The following SPTBN1 variants were observed in gnomAD, a reference collection of about 807,000 sequenced individuals.
SPTBN1 encodes spectrin beta chain, non-erythrocytic 1.
Under a neutral mutation model 266.4 loss-of-function variants are expected in SPTBN1, and 32 were observed. The ratio of observed to expected loss-of-function variants is 0.12; its 90% confidence interval spans 0.09 to 0.16. The LOEUF (loss-of-function observed/expected upper bound fraction) is 0.16. Ranked by LOEUF, SPTBN1 falls within the 10% of genes least tolerant of loss-of-function variation. The pLI, the probability that SPTBN1 is intolerant of heterozygous loss-of-function variation, is 1.00. For missense variants in SPTBN1, 2,296 were observed against 3,067.1 expected, an observed-to-expected ratio of 0.75 and a Z score of 5.94; for synonymous variants, 1,336 against 1,162.2, an observed-to-expected ratio of 1.15 and a Z score of -3.04.
intron 18 of SPTBN1, among the ~76,000 whole-genome samples, chr2:54,641,760 C>T (rs1268840524): frequency 6.7e-6 from 1 of 148,814 alleles, no homozygotes; most frequent in Non-Finnish European, 1.5e-5. Context: ...AGCCAGAGGG[C>T]TCCTGTGACC....
At chr2:54,481,199 A>G (rs1310928072) in intron 1 of SPTBN1, among the ~76,000 whole-genome samples, 1 of 152,120 alleles carries the variant, frequency 6.6e-6, no homozygotes, top group Non-Finnish European at 1.5e-5. Context: ...GGTTTGGAAA[A>G]AAAAAAAAGT....
chr2:54,624,203 T>G (rs918640408), intron 10 of SPTBN1, among the ~76,000 whole-genome samples: 1 of 152,240 alleles, frequency 6.6e-6, no homozygotes, highest in Non-Finnish European at 1.5e-5. Context: ...CTTGAACTCC[T>G]GGCCTCAAAC....
intron 17 of SPTBN1, among the ~76,000 whole-genome samples, chr2:54,635,792 T>A (rs1466983292): frequency 6.6e-6 from 1 of 152,308 alleles, no homozygotes; most frequent in East Asian, 1.9e-4. Context: ...CTCCAACTCA[T>A]ATTATCTCCT....
intron 1 of SPTBN1, among the ~76,000 whole-genome samples, chr2:54,505,676 C>T (rs1313859203): frequency 6.6e-6 from 1 of 152,110 alleles, no homozygotes. Context: ...CTTCTGGACA[C>T]TCTTGGCTTG....
At chr2:54,562,736 T>TGTGTG (rs1399014347) in intron 2 of SPTBN1, among the ~76,000 whole-genome samples, 2 of 68,966 alleles carry the variant, frequency 2.9e-5, no homozygotes, top group Admixed American at 1.2e-4. Context: ...GTGTGTGTGT[T>TGTGTG]TTGTAGAGAC....
intron 3 of SPTBN1, among the ~76,000 whole-genome samples, chr2:54,604,148 C>T (rs1317868527): frequency 6.6e-6 from 1 of 152,144 alleles, no homozygotes; most frequent in Non-Finnish European, 1.5e-5. Context: ...GTGCTCTGCC[C>T]AGCACCACAA....
At chr2:54,566,705 C>G (rs910901092) in intron 2 of SPTBN1, among the ~76,000 whole-genome samples, 1 of 152,030 alleles carries the variant, frequency 6.6e-6, no homozygotes, top group African/African-American at 2.4e-5. Flanking sequence ...GTGGTACACG[C>G]CTGTAGTCCC....
intron 1 of SPTBN1, among the ~76,000 whole-genome samples, chr2:54,460,489 T>C (rs968899605): frequency 1.3e-5 from 2 of 152,188 alleles, no homozygotes; most frequent in African/African-American, 4.8e-5. Context: ...TTTTCCCCTC[T>C]GGAAGAAAAA....
intron 2 of SPTBN1, among the ~76,000 whole-genome samples, chr2:54,588,548 G>A (rs1053145790): frequency 6.6e-6 from 1 of 152,150 alleles, no homozygotes; most frequent in Non-Finnish European, 1.5e-5. Context: ...GCCCTCGGGG[G>A]GATCCCAAAA....
chr2:54,650,678 T>A (rs1447997424), intron 26 of SPTBN1, among the ~76,000 whole-genome samples: 1 of 152,246 alleles, frequency 6.6e-6, no homozygotes, highest in African/African-American at 2.4e-5. Context: ...GTATCTAAGT[T>A]ATCTCAGCTT....
intron 1 of SPTBN1, among the ~76,000 whole-genome samples, chr2:54,461,808 T>C (rs962571362): frequency 1.8e-4 from 27 of 152,390 alleles, no homozygotes; most frequent in Non-Finnish European, 3.1e-4. Context: ...ACTAATCCTT[T>C]GTGGATTACA....
At chr2:54,480,779 A>C (rs1442854203) in intron 1 of SPTBN1, among the ~76,000 whole-genome samples, 1 of 152,196 alleles carries the variant, frequency 6.6e-6, no homozygotes, top group Non-Finnish European at 1.5e-5. Context: ...AGGGATTTAC[A>C]TTTGCTCTTT....
chr2:54,476,823 C>T (rs531220739), intron 1 of SPTBN1, among the ~76,000 whole-genome samples: 3 of 152,282 alleles, frequency 2.0e-5, no homozygotes, highest in African/African-American at 7.2e-5. Context: ...AATCAAATTG[C>T]AGGCAGTGTT....
intron 2 of SPTBN1, among the ~76,000 whole-genome samples, chr2:54,580,601 A>AG (rs1010050149): frequency 2.5e-5 from 2 of 80,278 alleles, no homozygotes; most frequent in African/African-American, 1.6e-4. Flanking sequence ...CACTTTAACC[A>AG]AAAAAAAAAA....
Position 54,645,815 on chromosome 2 carries a change from T to G in SPTBN1, c.4495-113T>G, listed in dbSNP as rs557026133. 1 of 1,184,814 alleles carries G rather than the reference T, an allele frequency of 8.4e-7. No individual in the cohort carries two copies. Among genetic ancestry groups the G allele is most frequent in the Non-Finnish European group, 1.2e-6 (1 of 818,500 alleles). 73.4% of individuals were successfully genotyped at this position (1,184,814 alleles called of 1,614,324 possible). The stretch of plus-strand genomic sequence containing the variant: ...CCCCAGACAGCCCTCCCGAGGGGGC[T>G]GAGCACTCTCTGAAGCTCACCCTTG... On this transcript the variant is annotated intron_variant, in intron 21 of 35. Coordinates refer to ENST00000356805, the MANE Select transcript of SPTBN1 (RefSeq NM_003128.3). The surrounding 1 kb of genome is among the most constrained non-coding windows in gnomAD (Gnocchi z 4.3).
chr2:54,622,319 A>T lies in SPTBN1; in HGVS notation c.896A>T (p.Glu299Val). The change falls in exon 9 of 36, where the codon GAA becomes GTA. Residue 299 changes from glutamate (E) to valine (V), a missense_variant. Glu to Val is a moderately radical substitution (Grantham distance 121, BLOSUM62 -2). Coordinates refer to ENST00000356805, the MANE Select transcript of SPTBN1 (RefSeq NM_003128.3). ...TGCCAGGTGCTTGACAATGCTATTG[A>T]AACAGAAAAAATGATTGAAAAGTAT... Reference protein sequence around the residue: ...RIGKVLDNAIETEKMIEKYES... With the variant: ...RIGKVLDNAIVTEKMIEKYES... The T allele has an allele frequency of 6.2e-7, 1 of 1,614,152 alleles. No individual in the cohort carries two copies. Among genetic ancestry groups the T allele is most frequent in the Non-Finnish European group, 8.5e-7 (1 of 1,179,988 alleles).
Position 54,593,659 on chromosome 2 carries a change from G to A in SPTBN1, c.149-5433G>A, listed in dbSNP as rs552217254. On this transcript the variant is annotated intron_variant, in intron 2 of 35. Transcript: ENST00000356805. ...CTATTCTGCATACTCTGAAGGTGGTGCAAGCCATAGTGGGCCACAGAGACA... is the reference window on the plus strand; with the variant it reads ...CTATTCTGCATACTCTGAAGGTGGTACAAGCCATAGTGGGCCACAGAGACA... Among the ~76,000 whole-genome samples, 33 of 152,116 alleles carry A rather than the reference G, an allele frequency of 2.2e-4. 1 individual carries two copies. The South Asian group carries it at 6.3e-3, about 29-fold the overall frequency.
intron 32 of SPTBN1, chr2:54,661,521 G>C: frequency 1.0e-6 from 1 of 985,456 alleles, no homozygotes; most frequent in Non-Finnish European, 1.2e-6. Context: ...ATCTACTTCT[G>C]ACTGTAGATG....
intron 2 of SPTBN1, among the ~76,000 whole-genome samples, chr2:54,548,347 G>T (rs1364220640): frequency 6.6e-6 from 1 of 152,184 alleles, no homozygotes; most frequent in Non-Finnish European, 1.5e-5. Context: ...CTGGAAAGAT[G>T]ACATGGAAGC....
Sources: allele counts gnomAD v4.1 joint callset (sites outside exome capture counted in the v4.1 genomes callset), GRCh38; gene constraint gnomAD v4.1.1; non-coding constraint Gnocchi (gnomAD v3.1); transcripts MANE v1.5; gene names NCBI Gene and HGNC (gene_info 2026-07-23, HGNC 2026-07-21).